The following SLCO3A1 variants were observed in gnomAD, a reference collection of about 807,000 sequenced individuals.
The protein encoded by SLCO3A1 is solute carrier organic anion transporter family member 3A1, also known as PGE1 transporter.
In SLCO3A1, 27 loss-of-function variants were observed where a neutral mutation model predicts 63.1. The observed-to-expected ratio is 0.43, with a 90% CI of 0.32 to 0.59. The LOEUF (loss-of-function observed/expected upper bound fraction) is 0.59. Ranked by LOEUF, SLCO3A1 falls within the 20% of genes least tolerant of loss-of-function variation. The pLI is 0.09. For missense variants in SLCO3A1, 773 were observed against 945.8 expected (o/e 0.82, Z 2.40); for synonymous variants, 473 against 409.9 (o/e 1.15, Z -1.86).
intron 2 of SLCO3A1, among the ~76,000 whole-genome samples, chr15:92,087,983 A>G (rs1275576185): frequency 6.6e-6 from 1 of 152,150 alleles, no homozygotes; most frequent in East Asian, 1.9e-4. Context: ...GATTGCATCT[A>G]GAAGGAGGTA....
At chr15:92,069,116 C>G (rs537570286) in intron 2 of SLCO3A1, among the ~76,000 whole-genome samples, 5 of 146,382 alleles carry the variant, frequency 3.4e-5, no homozygotes, top group African/African-American at 7.6e-5. Context: ...CGCCACCCCC[C>G]ACTCCCCCCA....
At chr15:92,135,660 G>A (rs2048048145) in intron 7 of SLCO3A1, among the ~76,000 whole-genome samples, 1 of 152,196 alleles carries the variant, frequency 6.6e-6, no homozygotes, top group African/African-American at 2.4e-5. Flanking sequence ...GAACGTCAGT[G>A]AATTATGAGA....
Position 91,854,422 on chromosome 15 carries a change from G to A in SLCO3A1, c.180+334G>A. 3 of 1,014,128 alleles carry A rather than the reference G, an allele frequency of 3.0e-6. No individual in the cohort carries two copies. The highest frequency in any genetic ancestry group is 3.6e-6 in the Non-Finnish European group (3 of 844,558). The allele number at this position is 1,014,128 out of a possible 1,614,324, so 62.8% of individuals were successfully genotyped here. On this transcript the variant is annotated intron_variant, in intron 1 of 9. Transcript: ENST00000318445. The surrounding 1 kb of genome is among the most constrained non-coding windows in gnomAD (Gnocchi z 6.4). The stretch of plus-strand genomic sequence containing the variant: ...AGCGGAGCGAGACGGTGAGTTCAGG[G>A]TTCTCCTTGGAGAGGAACGAAAAAG...
chr15:91,936,121 T>A (rs1197982946), intron 2 of SLCO3A1, among the ~76,000 whole-genome samples: 1 of 152,190 alleles, frequency 6.6e-6, no homozygotes, highest in Non-Finnish European at 1.5e-5. Context: ...ACGGGAATGA[T>A]AATACTGTGT....
intron 2 of SLCO3A1, among the ~76,000 whole-genome samples, chr15:92,083,342 A>C (rs922454432): frequency 1.3e-5 from 2 of 152,142 alleles, no homozygotes; most frequent in East Asian, 3.9e-4. Flanking sequence ...TGTCTCTGTC[A>C]CTGCTAAGAA....
In SLCO3A1 at chr15:92,047,043, T is replaced by TATATATATATAA. The variant is rs2046876120; in HGVS notation, c.647-47829_647-47828insTAAATATATATA. ...TAATATATAAATATATATATATAAA[T>TATATATATATAA]ATATATATAATATATAAATATATAT... On this transcript the variant is annotated intron_variant, in intron 2 of 9. Coordinates refer to ENST00000318445, the MANE Select transcript of SLCO3A1 (RefSeq NM_013272.4). Among the ~76,000 whole-genome samples the TATATATATATAA allele has an allele frequency of 2.7e-4, 10 of 36,576 alleles. 2 individuals carry two copies. Among genetic ancestry groups the TATATATATATAA allele is most frequent in the African/African-American group, 9.8e-4 (10 of 10,160 alleles). 24.0% of individuals were successfully genotyped at this position (36,576 alleles called of 152,430 possible).
At chr15:91,989,301 C>CG (rs1424886330) in intron 2 of SLCO3A1, among the ~76,000 whole-genome samples, 1 of 152,168 alleles carries the variant, frequency 6.6e-6, no homozygotes, top group Non-Finnish European at 1.5e-5. Flanking sequence ...CAGCCCTTAA[C>CG]GTACTGTATT....
intron 2 of SLCO3A1, among the ~76,000 whole-genome samples, chr15:92,078,312 C>T (rs768991325): frequency 9.9e-5 from 15 of 152,230 alleles, no homozygotes; most frequent in Non-Finnish European, 1.2e-4. Context: ...GAGGCCTGGG[C>T]TCATCCCCAA....
At chr15:92,158,464 G>A (rs1156911388) in intron 9 of SLCO3A1, among the ~76,000 whole-genome samples, 3 of 152,194 alleles carry the variant, frequency 2.0e-5, no homozygotes, top group Admixed American at 6.5e-5. Flanking sequence ...AATAAGGTGG[G>A]GCAGGGGGAG....
intron 1 of SLCO3A1, among the ~76,000 whole-genome samples, chr15:91,855,618 T>G (rs756290935): frequency 6.6e-6 from 1 of 152,138 alleles, no homozygotes; most frequent in African/African-American, 2.4e-5. Flanking sequence ...TATTAGCCCT[T>G]GGAATTTGAG....
intron 1 of SLCO3A1, among the ~76,000 whole-genome samples, chr15:91,881,939 C>G (rs893719653): frequency 2.5e-4 from 38 of 152,258 alleles, no homozygotes; most frequent in African/African-American, 9.1e-4. Context: ...CCCCTCTCTT[C>G]GGGTCTCTTT....
At chr15:92,118,770 C>T (rs577289993) in intron 4 of SLCO3A1, among the ~76,000 whole-genome samples, 1 of 152,176 alleles carries the variant, frequency 6.6e-6, no homozygotes, top group African/African-American at 2.4e-5. Context: ...TCCTCTGGGA[C>T]TCTGTGTTTT....
chr15:91,955,244 T>A (rs373575658), intron 2 of SLCO3A1, among the ~76,000 whole-genome samples: 3 of 152,100 alleles, frequency 2.0e-5, no homozygotes, highest in African/African-American at 7.2e-5. Flanking sequence ...CAAGATGTGG[T>A]AGGGTTGGGA....
At chr15:92,144,378 A>T (rs1222836948) in intron 7 of SLCO3A1, among the ~76,000 whole-genome samples, 1 of 152,178 alleles carries the variant, frequency 6.6e-6, no homozygotes, top group Non-Finnish European at 1.5e-5. Context: ...TTATGAGGAG[A>T]TGCCCAGATA....
intron 2 of SLCO3A1, among the ~76,000 whole-genome samples, chr15:91,977,918 C>A (rs1246000213): frequency 1.3e-5 from 2 of 152,184 alleles, no homozygotes; most frequent in African/African-American, 4.8e-5. Flanking sequence ...AGGACAAAGA[C>A]CTTGGCTATC....
intron 4 of SLCO3A1, among the ~76,000 whole-genome samples, chr15:92,116,772 C>G (rs2047800350): frequency 6.6e-6 from 1 of 152,134 alleles, no homozygotes; most frequent in African/African-American, 2.4e-5. Flanking sequence ...GAAAAGCAAT[C>G]ATCTTTTGAG....
At chr15:92,045,411 G>C (rs2046849333) in intron 2 of SLCO3A1, among the ~76,000 whole-genome samples, 3 of 151,954 alleles carry the variant, frequency 2.0e-5, no homozygotes, top group Admixed American at 1.3e-4. Flanking sequence ...ATTATAATGT[G>C]TATGGATCCT....
intron 2 of SLCO3A1, among the ~76,000 whole-genome samples, chr15:91,991,231 G>A (rs1292003950): frequency 6.6e-6 from 1 of 152,018 alleles, no homozygotes; most frequent in Non-Finnish European, 1.5e-5. Flanking sequence ...ATTAGGCAGG[G>A]TGGTGTGCAC....
chr15:92,047,776 C>T (rs2046907729), intron 2 of SLCO3A1, among the ~76,000 whole-genome samples: 2 of 149,558 alleles, frequency 1.3e-5, no homozygotes, highest in Admixed American at 6.9e-5. Context: ...AGAATGTGTT[C>T]ATCGGTTTGT....
Sources: gnomAD v4.1 joint callset for allele counts (sites outside exome capture counted in the v4.1 genomes callset) on GRCh38, gnomAD v4.1.1 for gene constraint, Gnocchi (gnomAD v3.1) non-coding constraint, MANE v1.5 for transcripts, NCBI Gene and HGNC (gene_info 2026-07-23, HGNC 2026-07-21) for gene names.